Variants in FHIT observed in about 807,000 individuals in gnomAD.
The protein encoded by FHIT is fragile histidine triad diadenosine triphosphatase.
A neutral mutation model predicts 17.9 loss-of-function variants in FHIT; 19 were observed. The observed-to-expected ratio is 1.06, with a 90% CI of 0.74 to 1.56. The LOEUF (loss-of-function observed/expected upper bound fraction) is 1.56. Ranked by LOEUF, FHIT falls within the 40% of genes most tolerant of loss-of-function variation. FHIT has a pLI of 0.00. For synonymous variants in FHIT, 81 were observed against 69.7 expected (o/e 1.16, Z -0.81); for missense variants, 248 against 189.2 (o/e 1.31, Z -1.82).
chr3:60,292,360 G>A (rs1708024787), intron 5 of FHIT, among the ~76,000 whole-genome samples: 1 of 134,194 alleles, frequency 7.5e-6, no homozygotes, highest in Admixed American at 7.9e-5. Context: ...AGCATACTGT[G>A]AGCAAATCCT....
chr3:60,219,706 C>A (rs1422444056), intron 5 of FHIT, among the ~76,000 whole-genome samples: 1 of 152,084 alleles, frequency 6.6e-6, no homozygotes, highest in African/African-American at 2.4e-5. Flanking sequence ...ATCTGTTTCT[C>A]CTCAAAGCTT....
At chr3:60,607,326 A>G (rs782804699) in intron 4 of FHIT, among the ~76,000 whole-genome samples, 1 of 152,050 alleles carries the variant, frequency 6.6e-6, no homozygotes, top group African/African-American at 2.4e-5. Flanking sequence ...TCAGGGAACT[A>G]AACAGTCACT....
intron 5 of FHIT, among the ~76,000 whole-genome samples, chr3:60,163,691 G>C (rs1701035781): frequency 6.6e-6 from 1 of 152,090 alleles, no homozygotes; most frequent in African/African-American, 2.4e-5. Context: ...TTCACATTTG[G>C]GGCCGGGTGA....
intron 4 of FHIT, among the ~76,000 whole-genome samples, chr3:60,782,027 C>T (rs782191804): frequency 1.3e-5 from 2 of 152,140 alleles, no homozygotes; most frequent in Non-Finnish European, 2.9e-5. Flanking sequence ...CCCCTACTCC[C>T]AGCCTCTGGG....
intron 5 of FHIT, among the ~76,000 whole-genome samples, chr3:60,462,889 G>A (rs1199748697): frequency 2.6e-5 from 4 of 152,144 alleles, no homozygotes; most frequent in African/African-American, 7.2e-5. Flanking sequence ...TAGGCAGGCC[G>A]ACACAAAACC....
intron 5 of FHIT, among the ~76,000 whole-genome samples, chr3:60,332,915 C>T (rs142135516): frequency 1.1e-3 from 172 of 152,262 alleles, no homozygotes; most frequent in African/African-American, 4.0e-3. Flanking sequence ...TGTGTCTGCT[C>T]CTAGACACCA....
At chr3:59,848,724 C>A (rs927127800) in intron 8 of FHIT, among the ~76,000 whole-genome samples, 6 of 152,146 alleles carry the variant, frequency 3.9e-5, no homozygotes, top group Admixed American at 2.0e-4. Context: ...AACTTGCTGG[C>A]ACTTAGATTG....
At chr3:60,792,833 CTTTTT>C (rs34640191) in intron 4 of FHIT, among the ~76,000 whole-genome samples, 1 of 144,154 alleles carries the variant, frequency 6.9e-6, no homozygotes, top group Non-Finnish European at 1.5e-5. Context: ...AAAACAATTT[CTTTTT>C]TTTTTTTTTT....
At chr3:60,051,728 A>G (rs768168075) in intron 5 of FHIT, among the ~76,000 whole-genome samples, 8 of 152,070 alleles carry the variant, frequency 5.3e-5, no homozygotes, top group Non-Finnish European at 8.8e-5. Flanking sequence ...CTTTGATCCA[A>G]CTCTAAGCTG....
At chr3:61,177,342 G>T (rs1007406319) in intron 2 of FHIT, among the ~76,000 whole-genome samples, 8 of 151,962 alleles carry the variant, frequency 5.3e-5, no homozygotes, top group African/African-American at 1.5e-4. Flanking sequence ...ACCTGAGTCT[G>T]CCTGATACAA....
intron 5 of FHIT, among the ~76,000 whole-genome samples, chr3:60,479,877 ATT>A (rs2033527474): frequency 6.6e-6 from 1 of 152,136 alleles, no homozygotes; most frequent in African/African-American, 2.4e-5. Flanking sequence ...CTGTTGAATA[ATT>A]GTCTTCCATG....
chr3:59,818,365 G>A (rs1295145080), intron 8 of FHIT, among the ~76,000 whole-genome samples: 1 of 152,090 alleles, frequency 6.6e-6, no homozygotes, highest in African/African-American at 2.4e-5. Context: ...CCACTCCTAA[G>A]TGGGGTTAAT....
intron 5 of FHIT, among the ~76,000 whole-genome samples, chr3:60,177,341 G>T (rs1354532791): frequency 6.7e-6 from 1 of 149,946 alleles, no homozygotes; most frequent in Non-Finnish European, 1.5e-5. Flanking sequence ...CAGAAAAAAT[G>T]AAACTGCCAG....
chr3:60,950,802 C>T (rs1553777038), intron 3 of FHIT, among the ~76,000 whole-genome samples: 1 of 151,302 alleles, frequency 6.6e-6, no homozygotes, highest in Non-Finnish European at 1.5e-5. Context: ...AGATTACAGG[C>T]GTGAGCCACC....
intron 4 of FHIT, among the ~76,000 whole-genome samples, chr3:60,726,252 C>T (rs894469882): frequency 6.6e-6 from 1 of 152,000 alleles, no homozygotes; most frequent in Admixed American, 6.5e-5. Flanking sequence ...GTCAACACTC[C>T]AAAAATTGTA....
chr3:60,111,976 T>C (rs1485287305), intron 5 of FHIT, among the ~76,000 whole-genome samples: 1 of 152,192 alleles, frequency 6.6e-6, no homozygotes, highest in African/African-American at 2.4e-5. Context: ...TGCTTACTAT[T>C]GCAAGATGTA....
chr3:60,318,899 T>C (rs1233990574), intron 5 of FHIT, among the ~76,000 whole-genome samples: 2 of 152,166 alleles, frequency 1.3e-5, no homozygotes, highest in Non-Finnish European at 2.9e-5. Context: ...ATTTCCATCT[T>C]TTCCAGCTTC....
chr3:59,869,484 C>CTTTTTTTTTTTTT (rs59589849), intron 8 of FHIT, among the ~76,000 whole-genome samples: 5,542 of 105,026 alleles, frequency 0.053, 1,349 homozygotes, highest in African/African-American at 0.22. Context: ...AAAGAACATC[C>CTTTTTTTTTTTTT]TTTTTTTTTT....
At chr3:59,855,979 C>A (rs1702140125) in intron 8 of FHIT, among the ~76,000 whole-genome samples, 1 of 151,880 alleles carries the variant, frequency 6.6e-6, no homozygotes, top group Non-Finnish European at 1.5e-5. Flanking sequence ...GACGTGGTTT[C>A]ACTGTGTTAG....
Sources: gnomAD v4.1 joint callset for allele counts (sites outside exome capture counted in the v4.1 genomes callset) on GRCh38, gnomAD v4.1.1 for gene constraint, MANE v1.5 for transcripts, NCBI Gene and HGNC (gene_info 2026-07-23, HGNC 2026-07-21) for gene names.